Variants in SLC35F1 observed in about 807,000 individuals in gnomAD.
The protein encoded by SLC35F1 is chromosome 6 open reading frame 169.
A neutral mutation model predicts 48.7 loss-of-function variants in SLC35F1; 14 were observed. The ratio of observed to expected loss-of-function variants is 0.29; its 90% CI spans 0.19 to 0.45. The LOEUF (loss-of-function observed/expected upper bound fraction) is 0.45. Ranked by LOEUF, SLC35F1 falls within the 20% of genes least tolerant of loss-of-function variation. SLC35F1 has a pLI of 1.00. For missense variants in SLC35F1, 404 were observed against 500.0 expected (o/e 0.81, Z 1.83); for synonymous variants, 190 against 202.2 (o/e 0.94, Z 0.51).
intron 7 of SLC35F1, among the ~76,000 whole-genome samples, chr6:118,297,685 TATATA>T (rs562251727): frequency 2.8e-4 from 32 of 113,630 alleles, no homozygotes; most frequent in African/African-American, 7.1e-4. Context: ...TTCTGAGAAA[TATATA>T]TTATATATAT....
At chr6:117,932,336 A>T (rs1291021162) in intron 1 of SLC35F1, among the ~76,000 whole-genome samples, 1 of 152,174 alleles carries the variant, frequency 6.6e-6, no homozygotes, top group African/African-American at 2.4e-5. Flanking sequence ...AATTTTTTTG[A>T]CCATTATCTA....
At chr6:118,065,236 A>G (rs1772595847) in intron 1 of SLC35F1, among the ~76,000 whole-genome samples, 1 of 152,176 alleles carries the variant, frequency 6.6e-6, no homozygotes, top group Admixed American at 6.5e-5. Flanking sequence ...GCAGGATAAT[A>G]AGCTAAAAAC....
chr6:118,063,118 T>G (rs1772565044), intron 1 of SLC35F1, among the ~76,000 whole-genome samples: 1 of 152,132 alleles, frequency 6.6e-6, no homozygotes, highest in Non-Finnish European at 1.5e-5. Context: ...CAATCTACTT[T>G]GGGTGAAAAT....
At chr6:118,060,591 C>T (rs1772523548) in intron 1 of SLC35F1, among the ~76,000 whole-genome samples, 1 of 152,060 alleles carries the variant, frequency 6.6e-6, no homozygotes, top group African/African-American at 2.4e-5. Flanking sequence ...ATTAGGTTCA[C>T]TTGATGAGAT....
Position 118,261,223 on chromosome 6 carries a change from T to A in SLC35F1, c.478-5772T>A, listed in dbSNP as rs73512521. On this transcript the variant is annotated intron_variant, in intron 3 of 7. Coordinates refer to ENST00000360388, the MANE Select transcript of SLC35F1 (RefSeq NM_001029858.4). ...ACAGCCTCACCTGTGGTGTGATACC[T>A]TAGTATCCAGTCAATATCATACTTG... Among the ~76,000 whole-genome samples the A allele has an allele frequency of 5.4e-3, 819 of 152,286 alleles. 8 individuals are homozygous for A. The highest frequency in any genetic ancestry group is 0.018 in the African/African-American group (761 of 41,550).
intron 1 of SLC35F1, among the ~76,000 whole-genome samples, chr6:118,115,983 T>C (rs1234560177): frequency 3.3e-5 from 5 of 152,212 alleles, no homozygotes; most frequent in African/African-American, 1.2e-4. Flanking sequence ...AGATTTAATA[T>C]AGATCTGTTC....
chr6:118,167,885 G>A (rs746152350), intron 2 of SLC35F1, among the ~76,000 whole-genome samples: 10 of 152,118 alleles, frequency 6.6e-5, no homozygotes, highest in African/African-American at 1.9e-4. Context: ...CCAAAACATC[G>A]TTATACAGCA....
At chr6:118,178,170 A>C (rs1774520225) in intron 2 of SLC35F1, among the ~76,000 whole-genome samples, 1 of 151,722 alleles carries the variant, frequency 6.6e-6, no homozygotes, top group African/African-American at 2.4e-5. Context: ...AGATATCCAC[A>C]CCTCCTGGGG....
rs575011758 is a variant in SLC35F1, at chr6:118,208,442, A to T, written c.350-27067A>T. ...GATTTTCCAATTTCCTTTGACCAAG[A>T]CATTTATTATTTTGTGTTATGGATT... On this transcript the variant is annotated intron_variant, in intron 2 of 7. Transcript: ENST00000360388. Among the ~76,000 whole-genome samples the T allele has an allele frequency of 1.3e-4, 20 of 152,348 alleles. No homozygotes were observed. In the South Asian group the frequency reaches 4.1e-3, roughly 32 times the overall value.
chr6:118,111,559 G>C (rs1294099964), intron 1 of SLC35F1, among the ~76,000 whole-genome samples: 1 of 152,100 alleles, frequency 6.6e-6, no homozygotes, highest in Non-Finnish European at 1.5e-5. Context: ...CAGAAAATTT[G>C]TTGACAATAG....
chr6:118,049,627 C>T (rs1381044654), intron 1 of SLC35F1, among the ~76,000 whole-genome samples: 4 of 151,184 alleles, frequency 2.6e-5, no homozygotes, highest in Non-Finnish European at 4.4e-5. Flanking sequence ...CTCACTATCA[C>T]TGGCCATCAG....
intron 3 of SLC35F1, among the ~76,000 whole-genome samples, chr6:118,257,519 T>C (rs1399074871): frequency 6.6e-6 from 1 of 152,178 alleles, no homozygotes; most frequent in Admixed American, 6.5e-5. Flanking sequence ...TTGATCTCCA[T>C]TGGTTCTTGG....
intron 1 of SLC35F1, among the ~76,000 whole-genome samples, chr6:118,052,507 A>C (rs2114911136): frequency 6.6e-6 from 1 of 152,338 alleles, no homozygotes; most frequent in East Asian, 1.9e-4. Context: ...AGAAGTCTTA[A>C]AAATGTAATA....
chr6:118,290,441 C>A (rs1776106780), intron 7 of SLC35F1, among the ~76,000 whole-genome samples: 2 of 151,798 alleles, frequency 1.3e-5, no homozygotes, highest in South Asian at 4.2e-4. Flanking sequence ...GATACCACAC[C>A]ACTTAGCTCC....
At chr6:118,223,047 C>A (rs563856447) in intron 2 of SLC35F1, among the ~76,000 whole-genome samples, 2 of 152,242 alleles carry the variant, frequency 1.3e-5, no homozygotes, top group African/African-American at 4.8e-5. Context: ...AACTTTGTAA[C>A]CACACAAGTA....
chr6:118,232,685 G>C (rs1006774433), intron 2 of SLC35F1, among the ~76,000 whole-genome samples: 3 of 151,674 alleles, frequency 2.0e-5, no homozygotes, highest in Admixed American at 6.6e-5. Context: ...ACAGAAGGAA[G>C]AATAGTCCAA....
rs550919458 is a variant in SLC35F1 at position 118,178,063 on chromosome 6, G to T, written c.349+23443G>T. Among the ~76,000 whole-genome samples the T allele has an allele frequency of 2.0e-5, 3 of 152,172 alleles. No individual in the cohort carries two copies. In the South Asian group the frequency reaches 6.2e-4, roughly 32 times the overall value. ...CTACAATAGCAGCTTTCCCAATCTT[G>T]CAGCTCAAGTATCTCCCAAAACTGG... On this transcript the variant is annotated intron_variant, in intron 2 of 7. Coordinates refer to ENST00000360388, the MANE Select transcript of SLC35F1 (RefSeq NM_001029858.4).
At chr6:117,923,577 G>A (rs1221160016) in intron 1 of SLC35F1, among the ~76,000 whole-genome samples, 3 of 62,976 alleles carry the variant, frequency 4.8e-5, no homozygotes, top group Non-Finnish European at 6.4e-5. Flanking sequence ...AAATACATAT[G>A]TGTGTGTATA....
chr6:118,272,737 G>GTGTGTA (rs201515909), intron 4 of SLC35F1, among the ~76,000 whole-genome samples: 23 of 120,266 alleles, frequency 1.9e-4, no homozygotes, highest in African/African-American at 7.1e-4. Context: ...ATATGTGTGT[G>GTGTGTA]TATATATATA....
Sources: gnomAD v4.1 joint callset for allele counts (sites outside exome capture counted in the v4.1 genomes callset) on GRCh38, gnomAD v4.1.1 for gene constraint, MANE v1.5 for transcripts, NCBI Gene and HGNC (gene_info 2026-07-23, HGNC 2026-07-21) for gene names.